KDM4C: variants seen among roughly 807,000 people sequenced by gnomAD.
KDM4C encodes lysine-specific demethylase 4C.
A neutral mutation model predicts 129.3 loss-of-function variants in KDM4C; 81 were observed. The observed-to-expected ratio is 0.63, with a 90% CI of 0.52 to 0.75. KDM4C has a LOEUF of 0.75. Among genes scored for constraint, KDM4C ranks in the 30% least tolerant of loss-of-function variants. The probability of loss-of-function intolerance (pLI) is 0.00; values close to 1 mark genes in which losing one functional copy is unlikely to be tolerated. For synonymous variants in KDM4C, 573 were observed against 456.1 expected, an observed-to-expected ratio of 1.26 and a Z score of -3.26; for missense variants, 1,457 against 1,304.0, an observed-to-expected ratio of 1.12 and a Z score of -1.81.
chr9:6,802,719 G>C (rs868423419), intron 2 of KDM4C, among the ~76,000 whole-genome samples: 1 of 152,118 alleles, frequency 6.6e-6, no homozygotes, highest in Non-Finnish European at 1.5e-5. Context: ...CAATTCACCT[G>C]CCTCAGCCTC....
intron 1 of KDM4C, among the ~76,000 whole-genome samples, chr9:6,772,849 C>G (rs1048717184): frequency 6.7e-6 from 1 of 149,550 alleles, no homozygotes; most frequent in Non-Finnish European, 1.5e-5. Flanking sequence ...CGTGCCACCC[C>G]CATGCCTGGC....
intron 12 of KDM4C, among the ~76,000 whole-genome samples, chr9:7,007,883 A>C (rs559473882): frequency 6.6e-6 from 1 of 152,326 alleles, no homozygotes; most frequent in East Asian, 1.9e-4. Flanking sequence ...TGATTTTCCC[A>C]ACCCATAAAA....
intron 15 of KDM4C, among the ~76,000 whole-genome samples, chr9:7,020,560 T>G (rs1420139604): frequency 6.6e-6 from 1 of 152,240 alleles, no homozygotes; most frequent in Non-Finnish European, 1.5e-5. Flanking sequence ...TTCCAAACAT[T>G]ACCAAATCCA....
chr9:6,901,878 T>C (rs1384913493), intron 8 of KDM4C, among the ~76,000 whole-genome samples: 1 of 152,206 alleles, frequency 6.6e-6, no homozygotes, highest in Admixed American at 6.5e-5. Flanking sequence ...ATAGTGGCGC[T>C]TACAGACTTC....
intron 17 of KDM4C, among the ~76,000 whole-genome samples, chr9:7,091,971 T>A (rs1433931811): frequency 6.6e-6 from 1 of 152,242 alleles, no homozygotes; most frequent in Non-Finnish European, 1.5e-5. Flanking sequence ...TAACGTCCCT[T>A]ACTTTTTGTC....
chr9:6,919,223 C>CTTTCTTTCTTTCTTTCTTTCT lies in KDM4C; in HGVS notation c.921+25993_921+25994insTCTTTCTTTCTTTCTTTCTTT, dbSNP rs532687391. Among the ~76,000 whole-genome samples, 273 of 108,952 alleles carry CTTTCTTTCTTTCTTTCTTTCT rather than the reference C, an allele frequency of 2.5e-3. 6 individuals carry two copies. The highest frequency in any genetic ancestry group is 5.3e-3 in the Middle Eastern group (1 of 188). 71.5% of individuals were successfully genotyped at this position (108,952 alleles called of 152,430 possible). A position where few individuals can be genotyped will look rare whatever the true frequency, so the allele number is the denominator to read the frequency against. On this transcript the variant is annotated intron_variant, in intron 8 of 21. Transcript: ENST00000381309. ...TTACAGATTCTGAATTTTCTTTTTC[C>CTTTCTTTCTTTCTTTCTTTCT]TTCTTTCTTTCTTTCTTTCTTTCTT...
intron 18 of KDM4C, among the ~76,000 whole-genome samples, chr9:7,108,058 T>C (rs2133191967): frequency 6.6e-6 from 1 of 152,228 alleles, no homozygotes; most frequent in Non-Finnish European, 1.5e-5. Context: ...CAGAGCAGTG[T>C]TTTTTGTGTG....
intron 1 of KDM4C, among the ~76,000 whole-genome samples, chr9:6,762,039 C>T (rs1390892047): frequency 6.6e-6 from 1 of 152,052 alleles, no homozygotes; most frequent in Non-Finnish European, 1.5e-5. Flanking sequence ...ACCTCGTGAT[C>T]CGCCTGCCTC....
At chr9:6,997,977 C>T (rs1820070114) in intron 12 of KDM4C, among the ~76,000 whole-genome samples, 1 of 152,216 alleles carries the variant, frequency 6.6e-6, no homozygotes, top group Non-Finnish European at 1.5e-5. Context: ...AGTGCAGAGG[C>T]AGCCTCATCT....
At chr9:7,162,965 T>C (rs1216691791) in intron 19 of KDM4C, among the ~76,000 whole-genome samples, 1 of 152,072 alleles carries the variant, frequency 6.6e-6, no homozygotes, top group Non-Finnish European at 1.5e-5. Flanking sequence ...AAAGCAGATA[T>C]TGAGGAGTGT....
intron 8 of KDM4C, among the ~76,000 whole-genome samples, chr9:6,944,758 G>C (rs1047408499): frequency 1.4e-5 from 2 of 146,272 alleles, no homozygotes; most frequent in African/African-American, 5.1e-5. Context: ...GGCTTGCTTA[G>C]GTATTGTTAG....
intron 15 of KDM4C, among the ~76,000 whole-genome samples, chr9:7,018,427 C>A (rs946335404): frequency 2.6e-5 from 4 of 152,176 alleles, no homozygotes; most frequent in African/African-American, 9.7e-5. Context: ...GCCAGGAAGT[C>A]CTGCTTCTAA....
chr9:6,958,945 G>T (rs1271274100), intron 8 of KDM4C, among the ~76,000 whole-genome samples: 1 of 152,132 alleles, frequency 6.6e-6, no homozygotes, highest in African/African-American at 2.4e-5. Context: ...ACCATGCCCA[G>T]CCTATGTGTA....
At position 6,737,569 on chromosome 9, in the gene KDM4C, C is replaced by T. The variant is rs1000727458; in HGVS notation, c.49+16572C>T. Among the ~76,000 whole-genome samples, 3 of 145,666 alleles carry T rather than the reference C, an allele frequency of 2.1e-5. No homozygotes were observed. The South Asian group carries it at 6.5e-4, about 31-fold the overall frequency. ...ATCCCAGTTACTTGGGAGCCTGAGG[C>T]AGGAGAATCGCTTGAACCCGAGAGG... is the stretch of plus-strand genomic sequence containing the variant. On this transcript the variant is annotated intron_variant, in intron 1 of 17. Coordinates refer to the KDM4C transcript ENST00000536108.
At chr9:6,771,457 A>T (rs145787726) in intron 1 of KDM4C, among the ~76,000 whole-genome samples, 5,422 of 151,816 alleles carry the variant, frequency 0.036, 131 homozygotes, top group South Asian at 0.066. Flanking sequence ...GATTACAGGC[A>T]TGCGCCACCA....
chr9:6,990,229 A>G (rs1298492590), intron 11 of KDM4C, among the ~76,000 whole-genome samples, 187 bp from the exon 12 acceptor site: 1 of 152,218 alleles, frequency 6.6e-6, no homozygotes. Flanking sequence ...AAAATTACTA[A>G]TAGAATTGAT....
At chr9:6,995,885 A>G (rs12339282) in intron 12 of KDM4C, among the ~76,000 whole-genome samples, 7,949 of 135,654 alleles carry the variant, frequency 0.059, 249 homozygotes, top group African/African-American at 0.1. Flanking sequence ...GTTAGCCAGG[A>G]TGGTCTCGAT....
chr9:6,769,009 A>G (rs1405386473), intron 1 of KDM4C, among the ~76,000 whole-genome samples: 1 of 151,936 alleles, frequency 6.6e-6, no homozygotes, highest in Non-Finnish European at 1.5e-5. Context: ...CTGACCTCAA[A>G]TGATCCACCC....
intron 17 of KDM4C, among the ~76,000 whole-genome samples, chr9:7,086,823 C>CT (rs913470954): frequency 1.3e-5 from 2 of 152,186 alleles, no homozygotes; most frequent in African/African-American, 4.8e-5. Flanking sequence ...CTCAAACATA[C>CT]TTTTTTCTAA....
Sources: gnomAD v4.1 joint callset for allele counts (sites outside exome capture counted in the v4.1 genomes callset) on GRCh38, gnomAD v4.1.1 for gene constraint, MANE v1.5 for transcripts, NCBI Gene and HGNC (gene_info 2026-07-23, HGNC 2026-07-21) for gene names.